Variants in CCDC38 observed in about 807,000 individuals in gnomAD.
The protein encoded by CCDC38 is coiled-coil domain containing 38.
Under a neutral mutation model 72.8 loss-of-function variants are expected in CCDC38, and 69 were observed. The ratio of observed to expected loss-of-function variants is 0.95; its 90% CI spans 0.78 to 1.16. The LOEUF is 1.16. Among genes scored for constraint, CCDC38 ranks in the 50% most tolerant of loss-of-function variants. The pLI is 0.00. For synonymous variants in CCDC38, 201 were observed against 213.2 expected (o/e 0.94, Z 0.50); for missense variants, 626 against 638.9 (o/e 0.98, Z 0.22).
At chr12:95,905,120 CTATA>C (rs1337162292) in intron 5 of CCDC38, among the ~76,000 whole-genome samples, 3 of 152,118 alleles carry the variant, frequency 2.0e-5, no homozygotes, top group Non-Finnish European at 4.4e-5. Flanking sequence ...AATGTAAATG[CTATA>C]TATAAATAGT....
Position 95,879,558 on chromosome 12 carries a change from G to T in CCDC38, c.1142+86C>A. 1 of 912,662 alleles carries T rather than the reference G, an allele frequency of 1.1e-6. No individual in the cohort carries two copies. The highest frequency in any genetic ancestry group is 1.7e-6 in the Non-Finnish European group (1 of 597,908). The allele number at this position is 912,662 out of a possible 1,614,324, so 56.5% of individuals were successfully genotyped here. A position where few individuals can be genotyped will look rare whatever the true frequency, so the allele number is the denominator to read the frequency against. ...CAGCCTACATTCACAGAGACCACGA[G>T]GAAGAGCCACATGTGAGTGAGTTGG... On this transcript the variant is annotated intron_variant, in intron 12 of 15. Coordinates refer to ENST00000344280, the MANE Select transcript of CCDC38 (RefSeq NM_182496.3). The surrounding 1 kb of genome is among the most constrained non-coding windows in gnomAD (Gnocchi z 5.5).
chr12:95,927,362 C>G (rs984760971), intron 2 of CCDC38, among the ~76,000 whole-genome samples: 2 of 150,458 alleles, frequency 1.3e-5, no homozygotes, highest in Admixed American at 1.3e-4. Flanking sequence ...GATTGCAACC[C>G]CTGCCTTTTT....
intron 2 of CCDC38, among the ~76,000 whole-genome samples, chr12:95,935,944 G>A (rs532122177): frequency 1.1e-3 from 171 of 152,142 alleles, no homozygotes; most frequent in Non-Finnish European, 1.8e-3. Flanking sequence ...TGGGCGTGGT[G>A]GTGCATGCCT....
At chr12:95,876,639 G>C (rs903931721) in intron 13 of CCDC38, among the ~76,000 whole-genome samples, 1 of 152,010 alleles carries the variant, frequency 6.6e-6, no homozygotes, top group South Asian at 2.1e-4. Flanking sequence ...TCTTGGCCCC[G>C]GCAATGCACA....
intron 4 of CCDC38, 52 bp from the exon 5 acceptor site, chr12:95,906,503 G>A: frequency 7.9e-7 from 1 of 1,258,804 alleles, no homozygotes; most frequent in Non-Finnish European, 1.2e-6. Context: ...CCTTAAAAAT[G>A]CTGTATAAAA....
In CCDC38 at chr12:95,895,069, T is replaced by C; in HGVS notation, c.692A>G (p.His231Arg). 6.2e-7 allele frequency: 1 copy of C among 1,613,452 alleles called. No homozygotes were observed. Residue 231 changes from histidine (H) to arginine (R), a missense_variant, in exon 8 of 16, where the codon CAT becomes CGT. Transcript: ENST00000344280. ...TTTTAGTGCTTGCTGGATTTGCCAA[T>C]GTTTTGGAGACATTTGCAGCAGAAA... ...GFFLLQMSPKHWQIQQALKRA... is the reference protein window; with the variant it reads ...GFFLLQMSPKRWQIQQALKRA...
At chr12:95,912,387 A>T (rs1253902862) in intron 4 of CCDC38, among the ~76,000 whole-genome samples, 1 of 152,166 alleles carries the variant, frequency 6.6e-6, no homozygotes, top group Non-Finnish European at 1.5e-5. Flanking sequence ...TTAAATACTC[A>T]TCCCTACGTG....
At position 95,892,431 on chromosome 12, in the gene CCDC38, A is replaced by G. The variant is rs537674012; in HGVS notation, c.773-1501T>C. Reference sequence around the variant, plus strand: ...TCCCTAGTGGTAGAACTACAGTTGCATGCCACCATGCTCAGCTAATTTTTA... The same window carrying G: ...TCCCTAGTGGTAGAACTACAGTTGCGTGCCACCATGCTCAGCTAATTTTTA... On this transcript the variant is annotated intron_variant, in intron 8 of 15. Coordinates refer to ENST00000344280, the MANE Select transcript of CCDC38 (RefSeq NM_182496.3). 5.3e-5 allele frequency among the ~76,000 whole-genome samples: 8 copies of G among 151,214 alleles called. No individual in the cohort carries two copies. In the South Asian group the frequency reaches 1.7e-3, roughly 32 times the overall value.
intron 9 of CCDC38, among the ~76,000 whole-genome samples, chr12:95,890,215 A>G (rs2079809342): frequency 6.6e-6 from 1 of 152,136 alleles, no homozygotes; most frequent in Non-Finnish European, 1.5e-5. Context: ...CCTGGCCTAC[A>G]TGTGCTGATT....
At chr12:95,885,924 T>C (rs2079753976) in intron 10 of CCDC38, 1 of 152,210 alleles carries the variant, frequency 6.6e-6, no homozygotes, top group South Asian at 2.1e-4. Flanking sequence ...TGTTACCAGT[T>C]TCACTACCTT....
chr12:95,875,327 C>T (rs2079624039), intron 13 of CCDC38, among the ~76,000 whole-genome samples: 1 of 152,072 alleles, frequency 6.6e-6, no homozygotes, highest in African/African-American at 2.4e-5. Context: ...GAGAGGTACA[C>T]TTGTGATTTG....
chr12:95,887,373 C>A (rs1385797992), intron 10 of CCDC38, among the ~76,000 whole-genome samples: 1 of 152,148 alleles, frequency 6.6e-6, no homozygotes, highest in African/African-American at 2.4e-5. Flanking sequence ...CTTCAATGAG[C>A]AAATAGTTAA....
chr12:95,904,483 G>A (rs2079981289), intron 5 of CCDC38, among the ~76,000 whole-genome samples: 1 of 152,222 alleles, frequency 6.6e-6, no homozygotes, highest in South Asian at 2.1e-4. Flanking sequence ...GAAAGAATAT[G>A]CATTGAAATC....
chr12:95,931,302 C>A (rs533601593), intron 2 of CCDC38, among the ~76,000 whole-genome samples: 14 of 152,308 alleles, frequency 9.2e-5, no homozygotes, highest in African/African-American at 2.9e-4. Flanking sequence ...ATCACCTTCT[C>A]GGTCTTTGAA....
chr12:95,918,478 C>G (rs1299794174), intron 3 of CCDC38, among the ~76,000 whole-genome samples: 1 of 152,172 alleles, frequency 6.6e-6, no homozygotes, highest in Non-Finnish European at 1.5e-5. Context: ...ATTTCCTCCA[C>G]TCTGAGATGC....
intron 13 of CCDC38, among the ~76,000 whole-genome samples, chr12:95,874,528 A>G (rs2079615634): frequency 6.6e-6 from 1 of 152,210 alleles, no homozygotes; most frequent in South Asian, 2.1e-4. Context: ...TAATTCACAT[A>G]TGAAAAAGGG....
chr12:95,890,780 A>G (rs1032408606), intron 9 of CCDC38, 52 bp downstream of exon 9: 20 of 1,127,408 alleles, frequency 1.8e-5, no homozygotes, highest in Non-Finnish European at 2.4e-5. Flanking sequence ...CTCCACTTTG[A>G]GATGGACACA....
intron 14 of CCDC38, among the ~76,000 whole-genome samples, chr12:95,871,106 A>C (rs1269204141): frequency 1.3e-5 from 2 of 152,176 alleles, no homozygotes; most frequent in Non-Finnish European, 2.9e-5. Context: ...CATTACGTGA[A>C]CATTATCCCA....
Position 95,879,746 on chromosome 12 carries a change from C to T in CCDC38, c.1040G>A (p.Arg347Lys). The T allele has an allele frequency of 6.2e-7, 1 of 1,612,406 alleles. No individual in the cohort carries two copies. The highest frequency in any genetic ancestry group is 8.5e-7 in the Non-Finnish European group (1 of 1,178,752). The change falls in exon 12 of 16, where the codon AGA becomes AAA. Residue 347 changes from arginine to lysine, a missense_variant. Physicochemically the swap from Arg to Lys is conservative, Grantham distance 26. Coordinates refer to ENST00000344280, the MANE Select transcript of CCDC38 (RefSeq NM_182496.3). The surrounding 1 kb of genome is among the most constrained non-coding windows in gnomAD (Gnocchi z 5.5). ...KEPEELLQVLRELEEQNLTLF... is the reference protein window; with the variant it reads ...KEPEELLQVLKELEEQNLTLF... ...AGTAAGATTCTGCTCTTCCAGCTCTCTGAGGACTTGAAGTAACTCCTCTGG... is the reference window on the plus strand; with the variant it reads ...AGTAAGATTCTGCTCTTCCAGCTCTTTGAGGACTTGAAGTAACTCCTCTGG...
Sources: gnomAD v4.1 joint callset for allele counts (sites outside exome capture counted in the v4.1 genomes callset) on GRCh38, gnomAD v4.1.1 for gene constraint, Gnocchi (gnomAD v3.1) non-coding constraint, MANE v1.5 for transcripts, NCBI Gene and HGNC (gene_info 2026-07-23, HGNC 2026-07-21) for gene names.